Variants in KYNU observed in about 807,000 individuals in gnomAD.
KYNU encodes kynureninase.
KYNU carries 54 observed loss-of-function variants against 59.2 expected under a neutral mutation model. The ratio of observed to expected loss-of-function variants is 0.91; its 90% CI spans 0.73 to 1.14. The LOEUF is 1.14. KYNU is among the 50% of genes most tolerant of loss of function. The pLI, the probability that KYNU is intolerant of heterozygous loss-of-function variation, is 0.00. For missense variants in KYNU, 567 were observed against 554.4 expected (o/e 1.02, Z -0.23); for synonymous variants, 177 against 192.0 (o/e 0.92, Z 0.65).
At chr2:142,932,024 G>T (rs1052428707) in intron 4 of KYNU, among the ~76,000 whole-genome samples, 1 of 152,166 alleles carries the variant, frequency 6.6e-6, no homozygotes, top group African/African-American at 2.4e-5. Context: ...TGTGAGTGAG[G>T]TTTACTTGCC....
intron 4 of KYNU, among the ~76,000 whole-genome samples, chr2:142,945,807 G>A (rs529733913): frequency 6.0e-5 from 9 of 150,152 alleles, no homozygotes; most frequent in South Asian, 2.1e-4. Flanking sequence ...GCACAATCTC[G>A]GCTCACTGCA....
In KYNU at chr2:142,960,678, G is replaced by A. The variant is rs373954314; in HGVS notation, c.637G>A (p.Asp213Asn). The change falls in exon 8 of 14, where the codon GAC (aspartate) becomes AAC (asparagine). Residue 213 changes from aspartate to asparagine, a missense_variant. Transcript: ENST00000264170. ...CCTTGAAGTAATTGAGAAGGAAGGA[G>A]ACTCAATTGCAGTGATCCTGTTCAG... ...DILEVIEKEG[D>N]SIAVILFSGV... 4.3e-6 allele frequency: 7 copies of A among 1,612,138 alleles called. No individual in the cohort carries two copies. Among genetic ancestry groups the A allele is most frequent in the Non-Finnish European group, 5.9e-6 (7 of 1,178,462 alleles).
chr2:142,890,944 A>G (rs1161624413), intron 2 of KYNU, among the ~76,000 whole-genome samples: 1 of 152,226 alleles, frequency 6.6e-6, no homozygotes, highest in Admixed American at 6.5e-5. Flanking sequence ...ATTTAATTTT[A>G]AACTAAAATA....
chr2:142,879,256 G>A (rs1028714144), intron 1 of KYNU, among the ~76,000 whole-genome samples: 76 of 152,176 alleles, frequency 5.0e-4, no homozygotes, highest in African/African-American at 1.7e-3. Context: ...GACTATATTT[G>A]AGACCATGCG....
intron 8 of KYNU, among the ~76,000 whole-genome samples, chr2:142,961,691 T>A (rs1573844475): frequency 6.6e-6 from 1 of 152,170 alleles, no homozygotes; most frequent in East Asian, 1.9e-4. Flanking sequence ...GTTAAATTGT[T>A]TTGAAGTCAT....
rs1687257333 is a variant in KYNU at position 143,050,996 on chromosome 2, T to C, written c.*8824T>C. 6.6e-6 allele frequency: 1 copy of C among 152,230 alleles called. No homozygotes were observed. The highest frequency in any genetic ancestry group is 2.4e-5 in the African/African-American group (1 of 41,460). The allele number at this position is 152,230 out of a possible 1,614,324, so 9.4% of individuals were successfully genotyped here. A position where few individuals can be genotyped will look rare whatever the true frequency, so the allele number is the denominator to read the frequency against. On this transcript the variant is annotated 3_prime_UTR_variant, in exon 14 of 14. Coordinates refer to ENST00000264170, the MANE Select transcript of KYNU (RefSeq NM_003937.3). The stretch of plus-strand genomic sequence containing the variant: ...GATGCTTCTGTGGGCCATTAGCATG[T>C]GCACTGTGTGTATGATATGCTCTAT...
At chr2:142,990,788 C>T (rs1685377113) in intron 10 of KYNU, among the ~76,000 whole-genome samples, 1 of 151,884 alleles carries the variant, frequency 6.6e-6, no homozygotes, top group East Asian at 1.9e-4. Context: ...AATTTTAAAT[C>T]ATGCCAACAC....
intron 10 of KYNU, among the ~76,000 whole-genome samples, chr2:142,988,552 G>A (rs1685293600): frequency 6.6e-6 from 1 of 151,844 alleles, no homozygotes; most frequent in Non-Finnish European, 1.5e-5. Flanking sequence ...TTTCATGGCT[G>A]TTTATTTTGT....
intron 7 of KYNU, 79 bp downstream of exon 7, chr2:142,957,794 A>C: frequency 1.1e-6 from 1 of 893,338 alleles, no homozygotes; most frequent in Non-Finnish European, 1.9e-6. Flanking sequence ...AAAGTTTATT[A>C]AAATCTTCAT....
chr2:143,038,551 G>A (rs966872971), intron 12 of KYNU, among the ~76,000 whole-genome samples: 4 of 152,058 alleles, frequency 2.6e-5, no homozygotes, highest in East Asian at 1.9e-4. Flanking sequence ...GATCTCTCTC[G>A]GGAGCTTATG....
At chr2:142,982,680 C>T (rs931080160) in intron 8 of KYNU, among the ~76,000 whole-genome samples, 1 of 152,004 alleles carries the variant, frequency 6.6e-6, no homozygotes, top group African/African-American at 2.4e-5. Flanking sequence ...AAATTCTCTC[C>T]CAAACAACTT....
intron 10 of KYNU, among the ~76,000 whole-genome samples, chr2:143,021,176 A>G (rs745675542): frequency 2.0e-5 from 3 of 152,102 alleles, no homozygotes; most frequent in Admixed American, 6.5e-5. Flanking sequence ...TACTAGAAAG[A>G]TTAACCCTTT....
chr2:142,929,518 G>T (rs1000930720), intron 4 of KYNU, among the ~76,000 whole-genome samples: 2 of 152,128 alleles, frequency 1.3e-5, no homozygotes, highest in African/African-American at 4.8e-5. Context: ...AATATTCTGA[G>T]CCAAATATGA....
chr2:142,909,912 C>T (rs1454446816), intron 2 of KYNU, among the ~76,000 whole-genome samples: 3 of 152,226 alleles, frequency 2.0e-5, no homozygotes, highest in South Asian at 4.1e-4. Context: ...AATTTACATT[C>T]CCACCAATGA....
rs201716375 is a variant in KYNU, at chr2:142,926,278, T to TA, written c.291-1371dup. On this transcript the variant is annotated intron_variant, in intron 3 of 13. Coordinates refer to ENST00000264170, the MANE Select transcript of KYNU (RefSeq NM_003937.3). ...ATGTATCCCAGAACTTAAAGTATAA[T>TA]AAAAAAAAAAGTCAGAGGAATATAT... 6.1e-4 allele frequency among the ~76,000 whole-genome samples: 91 copies of TA among 148,162 alleles called. 1 individual carries two copies. Among genetic ancestry groups the TA allele is most frequent in the Middle Eastern group, 6.9e-3 (2 of 288 alleles).
intron 4 of KYNU, among the ~76,000 whole-genome samples, chr2:142,942,160 GAA>G (rs56221582): frequency 2.1e-5 from 2 of 96,370 alleles, no homozygotes; most frequent in African/African-American, 3.9e-5. Flanking sequence ...CTGGGTGACA[GAA>G]AAAAAAAAAA....
rs1203391122 is a variant in KYNU at position 143,048,413 on chromosome 2, A to G, written c.*6241A>G. On this transcript the variant is annotated 3_prime_UTR_variant, in exon 14 of 14. Transcript: ENST00000264170. ...CAAACAGCCAACTCTTTACTTATAC[A>G]CTATTGCTATTCATTATAGCATTTT... 1 of 152,012 alleles carries G rather than the reference A, an allele frequency of 6.6e-6. No individual in the cohort carries two copies. Among genetic ancestry groups the G allele is most frequent in the South Asian group, 2.1e-4 (1 of 4,826 alleles). The allele number at this position is 152,012 out of a possible 1,614,324, so 9.4% of individuals were successfully genotyped here.
At chr2:142,882,503 C>T (rs759507662) in intron 1 of KYNU, among the ~76,000 whole-genome samples, 25 of 152,230 alleles carry the variant, frequency 1.6e-4, no homozygotes, top group Middle Eastern at 3.4e-3. Context: ...CGACAGGCTC[C>T]GGTGTGTGAT....
intron 11 of KYNU, among the ~76,000 whole-genome samples, chr2:143,030,296 C>G (rs905159756): frequency 1.3e-5 from 2 of 152,008 alleles, no homozygotes; most frequent in African/African-American, 4.8e-5. Flanking sequence ...AGCAGTTAAC[C>G]CCAGCAGATA....
Sources: allele counts gnomAD v4.1 joint callset (sites outside exome capture counted in the v4.1 genomes callset), GRCh38; gene constraint gnomAD v4.1.1; transcripts MANE v1.5; gene names NCBI Gene and HGNC (gene_info 2026-07-23, HGNC 2026-07-21).